Variants in LOC122539214 observed in about 807,000 individuals in gnomAD.
the LOC122539214 span, among the ~76,000 whole-genome samples, chr19:52,686,258 A>G: frequency 1.3e-5 from 2 of 152,020 alleles, no homozygotes; most frequent in Non-Finnish European, 2.9e-5. Flanking sequence ...TCAAACCGAA[A>G]CTATTTTTAA....
the LOC122539214 span, chr19:52,655,827 C>T: frequency 2.0e-6 from 1 of 506,992 alleles, no homozygotes; most frequent in Non-Finnish European, 3.5e-6. Context: ...TTGAACATTT[C>T]TTTTTGTGCA....
chr19:52,653,357 A>G, the LOC122539214 span: 1 of 1,178,400 alleles, frequency 8.5e-7, no homozygotes, highest in African/African-American at 1.5e-5. Context: ...TGTGCAAGGT[A>G]TGAATCACGC....
At chr19:52,671,952 G>T in the LOC122539214 span, among the ~76,000 whole-genome samples, 2 of 152,090 alleles carry the variant, frequency 1.3e-5, no homozygotes, top group African/African-American at 2.4e-5. Context: ...TATAAAATTG[G>T]CTGGGCACAT....
the LOC122539214 span, chr19:52,652,142 G>A: frequency 4.4e-6 from 1 of 226,230 alleles, no homozygotes. Flanking sequence ...TGAATGTAAA[G>A]TAAAGACATT....
At chr19:52,690,140 G>T in the LOC122539214 span, among the ~76,000 whole-genome samples, 1 of 149,028 alleles carries the variant, frequency 6.7e-6, no homozygotes, top group Non-Finnish European at 1.5e-5. Context: ...GGGTGAGGAC[G>T]TTAAAAAGCG....
chr19:52,672,608 T>C, the LOC122539214 span, among the ~76,000 whole-genome samples: 5 of 152,208 alleles, frequency 3.3e-5, no homozygotes, highest in Non-Finnish European at 7.3e-5. Flanking sequence ...AAGTTACTTA[T>C]TTATTTTTGA....
chr19:52,674,577 G>T, the LOC122539214 span, among the ~76,000 whole-genome samples: 1 of 152,132 alleles, frequency 6.6e-6, no homozygotes, highest in African/African-American at 2.4e-5. Flanking sequence ...CAGTGGATTT[G>T]CAGAGTACAA....
At chr19:52,658,445 A>G in the LOC122539214 span, among the ~76,000 whole-genome samples, 99 of 152,272 alleles carry the variant, frequency 6.5e-4, 1 homozygote, top group African/African-American at 2.2e-3. Flanking sequence ...GCGCACCTGT[A>G]ACCTCAGTTA....
chr19:52,684,440 T>C, the LOC122539214 span, among the ~76,000 whole-genome samples: 3 of 151,120 alleles, frequency 2.0e-5, no homozygotes, highest in South Asian at 4.2e-4. Flanking sequence ...TCCCAGCTAC[T>C]TGGGAGGCTG....
the LOC122539214 span, among the ~76,000 whole-genome samples, chr19:52,687,639 A>ATATATATATATAATGTG: frequency 2.4e-5 from 1 of 42,152 alleles, no homozygotes; most frequent in Non-Finnish European, 3.8e-5. Flanking sequence ...TAATGTATAT[A>ATATATATATATAATGTG]TATATATATA....
At chr19:52,654,615 G>A in the LOC122539214 span, among the ~76,000 whole-genome samples, 16,895 of 152,084 alleles carry the variant, frequency 0.11, 1,076 homozygotes, top group African/African-American at 0.16. Context: ...TACTCAGGAC[G>A]CTGAGGCAGG....
chr19:52,678,899 C>A, the LOC122539214 span, among the ~76,000 whole-genome samples: 1 of 151,114 alleles, frequency 6.6e-6, no homozygotes, highest in South Asian at 2.1e-4. Flanking sequence ...CACTTGAACC[C>A]AGGAGGCCAA....
chr19:52,665,423 T>TA, the LOC122539214 span, among the ~76,000 whole-genome samples: 7 of 148,100 alleles, frequency 4.7e-5, no homozygotes, highest in East Asian at 3.9e-4. Context: ...AAAAAGTGAT[T>TA]AAAAAAAAAA....
chr19:52,665,949 A>T, the LOC122539214 span, among the ~76,000 whole-genome samples: 6 of 151,916 alleles, frequency 3.9e-5, no homozygotes, highest in African/African-American at 1.5e-4. Context: ...TCACGAGGTC[A>T]GGAGATTGAG....
chr19:52,676,375 G>A, the LOC122539214 span, among the ~76,000 whole-genome samples: 3 of 152,192 alleles, frequency 2.0e-5, no homozygotes, highest in African/African-American at 7.2e-5. Flanking sequence ...CCAAAGTGCC[G>A]AGATTGCAGC....
At chr19:52,676,374 C>G in the LOC122539214 span, among the ~76,000 whole-genome samples, 19,775 of 152,156 alleles carry the variant, frequency 0.13, 1,386 homozygotes, top group African/African-American at 0.16. Flanking sequence ...CCCAAAGTGC[C>G]GAGATTGCAG....
the LOC122539214 span, chr19:52,652,525 T>C: frequency 4.4e-6 from 2 of 454,992 alleles, no homozygotes; most frequent in Admixed American, 2.5e-5. Flanking sequence ...AGATGAAGCT[T>C]GACTGAAGAC....
chr19:52,687,578 T>TTATA, the LOC122539214 span, among the ~76,000 whole-genome samples: 1 of 38,576 alleles, frequency 2.6e-5, no homozygotes. Context: ...TATATAAATT[T>TTATA]TATATATATA....
chr19:52,673,500 T>TCTCACACACACACACA, the LOC122539214 span, among the ~76,000 whole-genome samples: 27 of 149,028 alleles, frequency 1.8e-4, 2 homozygotes, highest in Admixed American at 1.1e-3. Context: ...TGTAACTCCA[T>TCTCACACACACACACA]CACACACACA....
Sources: gnomAD v4.1 joint callset for allele counts (sites outside exome capture counted in the v4.1 genomes callset) on GRCh38, gnomAD v4.1.1 for gene constraint, MANE v1.5 for transcripts.